Variants in NAV3 observed in about 807,000 individuals in gnomAD.
NAV3 encodes pore membrane and/or filament interacting like protein 1.
NAV3 carries 87 observed loss-of-function variants against 244.7 expected under a neutral mutation model. The ratio of observed to expected loss-of-function variants is 0.36; its 90% CI spans 0.30 to 0.42. NAV3 has a LOEUF of 0.42. NAV3 is among the 20% of genes least tolerant of loss of function. The pLI, the probability that NAV3 is intolerant of heterozygous loss-of-function variation, is 1.00. For missense variants in NAV3, 2,663 were observed against 2,893.3 expected, an observed-to-expected ratio of 0.92 and a Z score of 1.83; for synonymous variants, 1,126 against 1,042.2, an observed-to-expected ratio of 1.08 and a Z score of -1.55.
chr12:77,840,341 A>G (rs767775283), intron 1 of NAV3, among the ~76,000 whole-genome samples: 14 of 152,194 alleles, frequency 9.2e-5, no homozygotes, highest in Admixed American at 3.9e-4. Flanking sequence ...TAAATGTCAA[A>G]GTGACATGAT....
At chr12:77,973,520 CG>C (rs1212412430) in intron 5 of NAV3, among the ~76,000 whole-genome samples, 1 of 152,104 alleles carries the variant, frequency 6.6e-6, no homozygotes, top group Non-Finnish European at 1.5e-5. Context: ...GTGAAATCCC[CG>C]GGTACACGTT....
intron 2 of NAV3, among the ~76,000 whole-genome samples, chr12:77,667,168 C>G (rs1873752034): frequency 6.6e-6 from 1 of 152,142 alleles, no homozygotes; most frequent in African/African-American, 2.4e-5. Context: ...AGCTCCTGCT[C>G]AGACAGACAG....
At chr12:77,742,437 C>T (rs961143673) in intron 2 of NAV3, among the ~76,000 whole-genome samples, 1 of 151,884 alleles carries the variant, frequency 6.6e-6, no homozygotes, top group African/African-American at 2.4e-5. Flanking sequence ...TTGACAAATA[C>T]ATTGGAAATT....
In NAV3 at chr12:78,050,761, C is replaced by T. The variant is rs2137243656; in HGVS notation, c.2133-3C>T. 6.3e-7 allele frequency: 1 copy of T among 1,581,316 alleles called. No homozygotes were observed. Among genetic ancestry groups the T allele is most frequent in the South Asian group, 1.1e-5 (1 of 87,468 alleles). On this transcript the variant is annotated splice_polypyrimidine_tract_variant and splice_region_variant and intron_variant, in intron 10 of 39. Transcript: ENST00000397909. The stretch of plus-strand genomic sequence containing the variant: ...ATAGTTATTTCTCCATTTTATTTGA[C>T]AGCACCCTGGAGACAACATTTGACA...
At chr12:78,140,378 A>T (rs2139068297) in intron 20 of NAV3, 44 bp downstream of exon 20, 1 of 1,465,462 alleles carries the variant, frequency 6.8e-7, no homozygotes, top group Non-Finnish European at 9.6e-7. Flanking sequence ...TTTGCCATGC[A>T]CACAGATGAT....
At chr12:77,989,023 T>C (rs560319567) in intron 5 of NAV3, among the ~76,000 whole-genome samples, 9 of 152,076 alleles carry the variant, frequency 5.9e-5, no homozygotes, top group Non-Finnish European at 1.3e-4. Context: ...TGGGGAGAGA[T>C]TGATCATGTG....
intron 2 of NAV3, among the ~76,000 whole-genome samples, chr12:77,657,427 T>C (rs540790418): frequency 6.0e-4 from 91 of 152,314 alleles, no homozygotes; most frequent in African/African-American, 2.1e-3. Context: ...AATCTCTGAA[T>C]AGACCAATAA....
At chr12:77,868,755 C>A (rs77658635) in intron 1 of NAV3, among the ~76,000 whole-genome samples, 242 of 103,468 alleles carry the variant, frequency 2.3e-3, no homozygotes, top group African/African-American at 2.5e-3. Context: ...GACTCCATCT[C>A]AAAAAAAAAA....
At chr12:77,629,213 G>A (rs1380457359) in intron 2 of NAV3, among the ~76,000 whole-genome samples, 1 of 152,168 alleles carries the variant, frequency 6.6e-6, no homozygotes, top group African/African-American at 2.4e-5. Flanking sequence ...TCTTTACAGT[G>A]TAGTAACAAG....
At chr12:77,881,453 C>T (rs1882635118) in intron 1 of NAV3, among the ~76,000 whole-genome samples, 1 of 152,056 alleles carries the variant, frequency 6.6e-6, no homozygotes, top group South Asian at 2.1e-4. Flanking sequence ...ACAGCTTTCC[C>T]ACTGTGTCAC....
intron 2 of NAV3, among the ~76,000 whole-genome samples, chr12:77,694,292 C>T (rs2137172673): frequency 6.6e-6 from 1 of 151,490 alleles, no homozygotes; most frequent in East Asian, 2.0e-4. Context: ...TGGTGAAACC[C>T]CATCTCTACT....
chr12:77,658,876 TAAATG>T (rs1264551301), intron 2 of NAV3, among the ~76,000 whole-genome samples: 3 of 152,158 alleles, frequency 2.0e-5, no homozygotes, highest in African/African-American at 7.2e-5. Context: ...CCCTATTTAA[TAAATG>T]GGGCTGGGAA....
At chr12:77,839,638 A>G (rs1006512979) in intron 1 of NAV3, among the ~76,000 whole-genome samples, 1 of 152,234 alleles carries the variant, frequency 6.6e-6, no homozygotes, top group Non-Finnish European at 1.5e-5. Flanking sequence ...TTGGTGGTCA[A>G]CACTTATTAC....
rs182417395 is a variant in NAV3, at chr12:77,689,691, G to A, written c.72+117425G>A. On this transcript the variant is annotated intron_variant, in intron 2 of 8. Transcript: ENST00000550042. ...ATAAGGAACCTAAACTGAGGTAAAG[G>A]TTTATCATAAAGGTGACATCATCAA... Among the ~76,000 whole-genome samples, 12 of 151,868 alleles carry A rather than the reference G, an allele frequency of 7.9e-5. 1 individual carries two copies. Among genetic ancestry groups the A allele is most frequent in the Middle Eastern group, 3.4e-3 (1 of 294 alleles).
chr12:77,659,455 A>T (rs1873317497), intron 2 of NAV3, among the ~76,000 whole-genome samples: 1 of 152,210 alleles, frequency 6.6e-6, no homozygotes, highest in African/African-American at 2.4e-5. Context: ...AAAAGTCAAG[A>T]AACAACAGGT....
chr12:78,119,112 C>G, intron 14 of NAV3, 125 bp from the exon 15 acceptor site: 2 of 1,067,664 alleles, frequency 1.9e-6, no homozygotes, highest in South Asian at 3.2e-5. Context: ...GATTTTTGAT[C>G]TAAGACAATA....
intron 1 of NAV3, among the ~76,000 whole-genome samples, chr12:77,936,471 T>G (rs1012088): frequency 0.35 from 53,889 of 151,912 alleles, 10,039 homozygotes; most frequent in African/African-American, 0.47. Flanking sequence ...AGAACATTCA[T>G]GATTAAAATC....
chr12:77,833,805 C>T (rs1279763302), intron 1 of NAV3, among the ~76,000 whole-genome samples: 1 of 152,074 alleles, frequency 6.6e-6, no homozygotes, highest in Non-Finnish European at 1.5e-5. Context: ...AGCCATAAGG[C>T]GGAAAGGTGA....
Position 77,894,024 on chromosome 12 carries a change from C to A in NAV3, c.244-46295C>A, listed in dbSNP as rs141063551. ...TGAGGTTACCTTCCTCTAATTTACT[C>A]CTTGACCCTTACCTGGTTTCCTCTT... On this transcript the variant is annotated intron_variant, in intron 1 of 39. Coordinates refer to ENST00000397909, the MANE Select transcript of NAV3 (RefSeq NM_001024383.2). 3.5e-3 allele frequency among the ~76,000 whole-genome samples: 533 copies of A among 152,262 alleles called. 6 individuals carry two copies. The highest frequency in any genetic ancestry group is 0.012 in the African/African-American group (500 of 41,556).
Sources: gnomAD v4.1 joint callset for allele counts (sites outside exome capture counted in the v4.1 genomes callset) on GRCh38, gnomAD v4.1.1 for gene constraint, MANE v1.5 for transcripts, NCBI Gene and HGNC (gene_info 2026-07-23, HGNC 2026-07-21) for gene names.